The following PDZRN4 variants were observed in gnomAD, a reference collection of about 807,000 sequenced individuals.
The protein encoded by PDZRN4 is PDZ domain-containing RING finger protein 4.
In PDZRN4, 70 loss-of-function variants were observed where a neutral mutation model predicts 99.0. The observed-to-expected ratio is 0.71, with a 90% CI of 0.58 to 0.86. The LOEUF is 0.86. PDZRN4 is among the 40% of genes least tolerant of loss of function. The pLI, the probability that PDZRN4 is intolerant of heterozygous loss-of-function variation, is 0.00. For synonymous variants in PDZRN4, 551 were observed against 501.6 expected (o/e 1.10, Z -1.32); for missense variants, 1,474 against 1,331.2 (o/e 1.11, Z -1.67).
chr12:41,330,808 A>C (rs997819992), intron 3 of PDZRN4, among the ~76,000 whole-genome samples: 1 of 152,104 alleles, frequency 6.6e-6, no homozygotes, highest in Non-Finnish European at 1.5e-5. Flanking sequence ...TTTCTGGAAA[A>C]TAAATGTTGT....
Position 41,478,358 on chromosome 12 carries a change from C to T in PDZRN4, c.844-28098C>T, listed in dbSNP as rs574830351. On this transcript the variant is annotated intron_variant, in intron 3 of 9. Transcript: ENST00000402685. Reference sequence around the variant, plus strand: ...CTCCAGCTCCTGACCTCAGGTGATCCGCCTGTCTCAGCCTCCCAAAGTGCT... The same window carrying T: ...CTCCAGCTCCTGACCTCAGGTGATCTGCCTGTCTCAGCCTCCCAAAGTGCT... 1.8e-4 allele frequency among the ~76,000 whole-genome samples: 28 copies of T among 152,158 alleles called. 1 individual carries two copies. In the East Asian group the frequency reaches 2.3e-3, roughly 13 times the overall value.
chr12:41,212,634 C>T (rs749964532), intron 3 of PDZRN4, among the ~76,000 whole-genome samples: 2 of 151,924 alleles, frequency 1.3e-5, no homozygotes, highest in Non-Finnish European at 2.9e-5. Flanking sequence ...ACCTAAGACA[C>T]TGGAATTATG....
chr12:41,189,714 T>A (rs1950723751), intron 1 of PDZRN4, among the ~76,000 whole-genome samples: 1 of 152,138 alleles, frequency 6.6e-6, no homozygotes, highest in East Asian at 1.9e-4. Flanking sequence ...CTTGCAGAGT[T>A]CATTTCATCA....
intron 1 of PDZRN4, among the ~76,000 whole-genome samples, chr12:41,190,717 A>G (rs542646634): frequency 6.6e-6 from 1 of 152,352 alleles, no homozygotes; most frequent in Admixed American, 6.5e-5. Context: ...GTTTCCAAGT[A>G]AAGGTTAATA....
chr12:41,494,853 G>T (rs966029835), intron 3 of PDZRN4, among the ~76,000 whole-genome samples: 5 of 152,112 alleles, frequency 3.3e-5, no homozygotes, highest in African/African-American at 1.2e-4. Context: ...AGTGATTTAA[G>T]CCACCTGCTT....
chr12:41,237,341 T>C (rs1951074365), intron 3 of PDZRN4, among the ~76,000 whole-genome samples: 1 of 152,120 alleles, frequency 6.6e-6, no homozygotes, highest in African/African-American at 2.4e-5. Context: ...AAAATTAAGG[T>C]CACTAAATAT....
At chr12:41,340,018 A>G (rs1473356509) in intron 3 of PDZRN4, among the ~76,000 whole-genome samples, 1 of 152,066 alleles carries the variant, frequency 6.6e-6, no homozygotes, top group Non-Finnish European at 1.5e-5. Context: ...ACCTTATGAA[A>G]GTTCCTCAAA....
intron 3 of PDZRN4, among the ~76,000 whole-genome samples, chr12:41,406,858 CAAA>C (rs758320141): frequency 8.5e-5 from 4 of 46,926 alleles, no homozygotes; most frequent in African/African-American, 2.0e-4. Flanking sequence ...AACTCCGTCT[CAAA>C]AAAAAAAAAA....
At chr12:41,269,243 G>C (rs960078434) in intron 3 of PDZRN4, among the ~76,000 whole-genome samples, 4 of 152,138 alleles carry the variant, frequency 2.6e-5, no homozygotes, top group African/African-American at 9.7e-5. Context: ...GACTTTCACT[G>C]TCAATCATCT....
Position 41,188,713 on chromosome 12 carries a change from C to T in PDZRN4, c.258C>T (p.Arg86=), listed in dbSNP as rs754990542. ...GAGTCCAGTGCGACTACCGCGCCCG[C>T]GGCTGCGGCCACTCGGTCAGGCTGC... The part of the protein sequence containing the change: ...KLRVQCDYRA[R]GCGHSVRLHE... The change falls in exon 1 of 10, where the codon CGC becomes CGT. Residue 86 remains arginine (R), a synonymous_variant. Transcript: ENST00000402685. 8.4e-6 allele frequency: 13 copies of T among 1,556,464 alleles called. No individual in the cohort carries two copies. The highest frequency in any genetic ancestry group is 1.2e-5 in the South Asian group (1 of 85,300).
At chr12:41,563,036 G>A (rs1233225687) in intron 7 of PDZRN4, among the ~76,000 whole-genome samples, 3 of 152,116 alleles carry the variant, frequency 2.0e-5, no homozygotes, top group African/African-American at 7.2e-5. Flanking sequence ...GGGCAACTGG[G>A]TCAGACCCAC....
At position 41,191,535 on chromosome 12, in the gene PDZRN4, A is replaced by G. The variant is rs1450357179; in HGVS notation, c.726A>G (p.Arg242=). The part of the protein sequence containing the change: ...DTLGFNIIGG[R]PNQNNQEGTS... ...TGGGATTCAATATTATAGGAGGTCG[A>G]CCAAATCAGGTAAAACACCTTGTTA... Residue 242 remains arginine (R), a synonymous_variant, in exon 2 of 10, where the codon CGA becomes CGG. Transcript: ENST00000402685. 3 of 1,508,566 alleles carry G rather than the reference A, an allele frequency of 2.0e-6. No individual in the cohort carries two copies. In the Admixed American group the frequency reaches 5.0e-5, roughly 25 times the overall value. The allele number at this position is 1,508,566 out of a possible 1,614,324, so 93.4% of individuals were successfully genotyped here.
chr12:41,370,303 A>C (rs1952031640), intron 3 of PDZRN4, among the ~76,000 whole-genome samples: 1 of 151,958 alleles, frequency 6.6e-6, no homozygotes, highest in African/African-American at 2.4e-5. Context: ...TGTTTTTCAT[A>C]CTGATAATTT....
At chr12:41,464,434 T>A (rs1952905950) in intron 3 of PDZRN4, among the ~76,000 whole-genome samples, 1 of 152,240 alleles carries the variant, frequency 6.6e-6, no homozygotes, top group African/African-American at 2.4e-5. Flanking sequence ...AGTCAGTCAT[T>A]CATTCAATAG....
At chr12:41,225,827 T>C (rs1377771790) in intron 3 of PDZRN4, among the ~76,000 whole-genome samples, 1 of 152,158 alleles carries the variant, frequency 6.6e-6, no homozygotes, top group Non-Finnish European at 1.5e-5. Context: ...TAAGGTGTTG[T>C]AGGAGTTGGC....
At chr12:41,558,137 G>T in intron 7 of PDZRN4, among the ~76,000 whole-genome samples, 1 of 152,112 alleles carries the variant, frequency 6.6e-6, no homozygotes, top group East Asian at 1.9e-4. Flanking sequence ...AATTTTAAAC[G>T]TATTGTTCAC....
At chr12:41,546,470 A>G (rs1215206764) in intron 5 of PDZRN4, among the ~76,000 whole-genome samples, 1 of 152,208 alleles carries the variant, frequency 6.6e-6, no homozygotes, top group Non-Finnish European at 1.5e-5. Context: ...ATCATGATAC[A>G]TACTGTACGA....
chr12:41,233,214 A>C (rs1345418847), intron 3 of PDZRN4, among the ~76,000 whole-genome samples: 1 of 152,214 alleles, frequency 6.6e-6, no homozygotes, highest in Non-Finnish European at 1.5e-5. Flanking sequence ...TCATCAGAGA[A>C]ATGTAAATCA....
intron 3 of PDZRN4, among the ~76,000 whole-genome samples, chr12:41,194,433 G>A (rs529224915): frequency 2.6e-5 from 4 of 152,198 alleles, no homozygotes; most frequent in East Asian, 3.9e-4. Context: ...TTAGGAGTTC[G>A]AGACCTGACT....
Sources: gnomAD v4.1 joint callset for allele counts (sites outside exome capture counted in the v4.1 genomes callset) on GRCh38, gnomAD v4.1.1 for gene constraint, MANE v1.5 for transcripts, NCBI Gene and HGNC (gene_info 2026-07-23, HGNC 2026-07-21) for gene names.